CHRNA4: variants seen among roughly 807,000 people sequenced by gnomAD.
The protein encoded by CHRNA4 is neuronal acetylcholine receptor subunit alpha-4.
A neutral mutation model predicts 48.9 loss-of-function variants in CHRNA4; 28 were observed. The ratio of observed to expected loss-of-function variants is 0.57; its 90% CI spans 0.42 to 0.79. The LOEUF (loss-of-function observed/expected upper bound fraction) is 0.79. Among genes scored for constraint, CHRNA4 ranks in the 30% least tolerant of loss-of-function variants. The probability of loss-of-function intolerance (pLI) is 0.00; values close to 1 mark genes in which losing one functional copy is unlikely to be tolerated. For synonymous variants in CHRNA4, 425 were observed against 402.3 expected (o/e 1.06, Z -0.68); for missense variants, 859 against 898.4 (o/e 0.96, Z 0.56).
Position 63,361,151 on chromosome 20 carries a change from G to C in CHRNA4, c.15C>G (p.Gly5=), listed in dbSNP as rs1208135470. 3 of 1,480,172 alleles carry C rather than the reference G, an allele frequency of 2.0e-6. No individual in the cohort carries two copies. The highest frequency in any genetic ancestry group is 2.9e-5 in the African/African-American group (2 of 68,256). The allele number at this position is 1,480,172 out of a possible 1,614,324, so 91.7% of individuals were successfully genotyped here. The change falls in exon 1 of 6, where the codon GGC becomes GGG. Residue 5 remains glycine, a synonymous_variant. Transcript: ENST00000370263. ...GCGGCAGCAGCCGCGGCGCTCCGGGGCCCCCTAGCTCCATGGCGCACGCAC... is the reference window on the plus strand; with the variant it reads ...GCGGCAGCAGCCGCGGCGCTCCGGGCCCCCCTAGCTCCATGGCGCACGCAC... MELG[G]PGAPRLLPPL...
At chr20:63,354,772 G>A (rs62206907) in intron 4 of CHRNA4, 3 of 395,826 alleles carry the variant, frequency 7.6e-6, no homozygotes, top group African/African-American at 2.2e-5. Flanking sequence ...GTGTCCATGC[G>A]AGTCACACAG....
intron 5 of CHRNA4, among the ~76,000 whole-genome samples, chr20:63,347,992 C>T (rs1601468503): frequency 2.0e-5 from 3 of 152,316 alleles, no homozygotes; most frequent in South Asian, 2.1e-4. Flanking sequence ...GGGGCGGGGA[C>T]GCGGCCGCCC....
intron 5 of CHRNA4, 84 bp downstream of exon 5, chr20:63,349,569 C>G: frequency 6.4e-7 from 1 of 1,565,306 alleles, no homozygotes; most frequent in Non-Finnish European, 8.7e-7. Flanking sequence ...GGGCCCGGCT[C>G]CTGGATTACA....
At position 63,343,792 on chromosome 20, in the gene CHRNA4, T is replaced by A. The variant is rs1371371935; in HGVS notation, c.*2946A>T. 2 of 453,948 alleles carry A rather than the reference T, an allele frequency of 4.4e-6. No homozygotes were observed. Among genetic ancestry groups the A allele is most frequent in the Middle Eastern group, 6.8e-4 (1 of 1,466 alleles). 28.1% of individuals were successfully genotyped at this position (453,948 alleles called of 1,614,324 possible). A position where few individuals can be genotyped will look rare whatever the true frequency, so the allele number is the denominator to read the frequency against. ...GCAGGCTTCGAGCTGCAGCAGTGTCTCCCGCTGCCTGGTGCCTGGCACAGG... is the reference window on the plus strand; with the variant it reads ...GCAGGCTTCGAGCTGCAGCAGTGTCACCCGCTGCCTGGTGCCTGGCACAGG... On this transcript the variant is annotated 3_prime_UTR_variant, in exon 6 of 6. Transcript: ENST00000370263.
rs199553586 is a variant in CHRNA4, at chr20:63,343,464, G to T, written c.*3274C>A. ...TCAGCCACTTTAGAAATCCGAAGCC[G>T]CCTCTGCTCCAGGGGACACCTAACC... On this transcript the variant is annotated 3_prime_UTR_variant, in exon 6 of 6. Transcript: ENST00000370263. 4.4e-6 allele frequency: 2 copies of T among 454,144 alleles called. No homozygotes were observed. Among genetic ancestry groups the T allele is most frequent in the Admixed American group, 2.3e-5 (1 of 42,576 alleles). 28.1% of individuals were successfully genotyped at this position (454,144 alleles called of 1,614,324 possible).
At position 63,349,968 on chromosome 20, in the gene CHRNA4, G is replaced by A. The variant is rs1057522022; in HGVS notation, c.1443C>T (p.Gly481=). The part of the protein sequence containing the change: ...MSSPGEAVEG[G]VRCRSRSIQY... ...GGATGCTCCGAGACCGGCACCGGAC[G>A]CCGCCTTCCACCGCTTCGCCAGGGC... The change falls in exon 5 of 6, where the codon GGC becomes GGT. Residue 481 remains glycine, a synonymous_variant. Coordinates refer to ENST00000370263, the MANE Select transcript of CHRNA4 (RefSeq NM_000744.7). The A allele has an allele frequency of 4.1e-5, 64 of 1,560,726 alleles. No homozygotes were observed. Among genetic ancestry groups the A allele is most frequent in the African/African-American group, 1.1e-4 (8 of 73,916 alleles).
Position 63,356,526 on chromosome 20 carries a change from G to C in CHRNA4, c.229-111C>G, listed in dbSNP as rs1245114154. On this transcript the variant is annotated intron_variant, in intron 2 of 5. Coordinates refer to ENST00000370263, the MANE Select transcript of CHRNA4 (RefSeq NM_000744.7). Reference sequence around the variant, plus strand: ...AAGGACACGGCCAGGGCAAGATATGGTGGACGGGCGACCTGTGGAGGGGGT... The same window carrying C: ...AAGGACACGGCCAGGGCAAGATATGCTGGACGGGCGACCTGTGGAGGGGGT... 5.2e-6 allele frequency: 6 copies of C among 1,156,410 alleles called. No homozygotes were observed. The Admixed American group carries it at 6.0e-5, about 11-fold the overall frequency. 71.6% of individuals were successfully genotyped at this position (1,156,410 alleles called of 1,614,324 possible).
At position 63,344,832 on chromosome 20, in the gene CHRNA4, C is replaced by A; in HGVS notation, c.*1906G>T. The A allele has an allele frequency of 4.5e-6, 2 of 448,616 alleles. No individual in the cohort carries two copies. Among genetic ancestry groups the A allele is most frequent in the Non-Finnish European group, 8.9e-6 (2 of 223,592 alleles). 27.8% of individuals were successfully genotyped at this position (448,616 alleles called of 1,614,324 possible). On this transcript the variant is annotated 3_prime_UTR_variant, in exon 6 of 6. Transcript: ENST00000370263. The surrounding 1 kb of genome is among the most constrained non-coding windows in gnomAD (Gnocchi z 4.5). The stretch of plus-strand genomic sequence containing the variant: ...CCTGGGAGCTCTGGCCGAGGAGCAG[C>A]AGGGGCTGATGGCAGAGCGGGGGCA...
intron 3 of CHRNA4, 100 bp from the exon 4 acceptor site, chr20:63,356,184 G>A: frequency 1.4e-6 from 1 of 735,036 alleles, no homozygotes; most frequent in Non-Finnish European, 2.0e-6. Context: ...GCCAGGGCAG[G>A]GCAGCAGGGT....
At position 63,357,110 on chromosome 20, in the gene CHRNA4, T is replaced by A. The variant is rs60757049; in HGVS notation, c.229-695A>T. ...GAACCACATCCCCACAGGACCACAT[T>A]CCCACAGGACCACGTCTCCACGGAC... On this transcript the variant is annotated intron_variant, in intron 2 of 5. Transcript: ENST00000370263. Among the ~76,000 whole-genome samples, 711 of 104,226 alleles carry A rather than the reference T, an allele frequency of 6.8e-3. 11 individuals carry two copies. Among genetic ancestry groups the A allele is most frequent in the South Asian group, 0.017 (46 of 2,648 alleles). 68.4% of individuals were successfully genotyped at this position (104,226 alleles called of 152,430 possible).
intron 1 of CHRNA4, chr20:63,360,185 G>A (rs1189058499): frequency 4.8e-6 from 1 of 208,140 alleles, no homozygotes; most frequent in Non-Finnish European, 9.9e-6. Flanking sequence ...AGCAGCAAAG[G>A]AGGGAGTACA....
intron 5 of CHRNA4, among the ~76,000 whole-genome samples, chr20:63,349,033 G>A (rs550538786): frequency 2.8e-4 from 42 of 152,092 alleles, no homozygotes; most frequent in Middle Eastern, 3.4e-3. Context: ...CCCGGGCCCC[G>A]GGGGGCCTTA....
chr20:63,354,311 G>A (rs1297289558), intron 4 of CHRNA4, among the ~76,000 whole-genome samples: 1 of 114,748 alleles, frequency 8.7e-6, no homozygotes, highest in Non-Finnish European at 1.7e-5. Flanking sequence ...GTGGTCCTGG[G>A]GGGGAGCTGC....
intron 5 of CHRNA4, among the ~76,000 whole-genome samples, chr20:63,347,424 C>G (rs965281467): frequency 1.3e-5 from 2 of 152,220 alleles, no homozygotes; most frequent in African/African-American, 4.8e-5. Context: ...CACACTGAGG[C>G]CTTCAGGGGC....
rs1218865781 is a variant in CHRNA4 at position 63,346,764 on chromosome 20, G to A, written c.1858C>T (p.Pro620Ser). 1 of 1,611,406 alleles carries A rather than the reference G, an allele frequency of 6.2e-7. No homozygotes were observed. The highest frequency in any genetic ancestry group is 8.5e-7 in the Non-Finnish European group (1 of 1,179,668). Residue 620 changes from proline (P) to serine (S), a missense_variant, in exon 6 of 6, where the codon CCG (proline) becomes TCG (serine). Physicochemically the swap from Pro to Ser is moderately conservative, Grantham distance 74. This residue lies in a region of CHRNA4 where 478 missense variants were observed against 455.4 expected (regional missense o/e 1.05). Transcript: ENST00000370263. ...CLLGTVGLFL[P>S]PWLAGMI ...TAGATCATGCCAGCCAGCCAGGGCG[G>A]CAGGAAGAGGCCCACCGTCCCCAGC...
rs76270730 is a variant in CHRNA4 at position 63,350,433 on chromosome 20, G to A, written c.978C>T (p.Phe326=). ...FVTLSIVITV[F]VLNVHHRSPR... is the part of the protein sequence containing the mutation. Reference sequence around the variant, plus strand: ...GCGAGCGGTGGTGCACGTTGAGCACGAAGACCGTGATGACGATGGACAGGG... The same window carrying A: ...GCGAGCGGTGGTGCACGTTGAGCACAAAGACCGTGATGACGATGGACAGGG... The change falls in exon 5 of 6, where the codon TTC becomes TTT. Residue 326 remains phenylalanine, a synonymous_variant. Transcript: ENST00000370263. The A allele has an allele frequency of 1.4e-3, 2,241 of 1,613,930 alleles. 5 individuals are homozygous for A. The highest frequency in any genetic ancestry group is 1.7e-3 in the South Asian group (151 of 91,088).
At position 63,344,528 on chromosome 20, in the gene CHRNA4, C is replaced by G. The variant is rs1355637919; in HGVS notation, c.*2210G>C. ...AAAGAAAGGGAAAGGGGTCTTCCCCCAGGCAAGCGGCCACCCCCGGCAGGA... is the reference window on the plus strand; with the variant it reads ...AAAGAAAGGGAAAGGGGTCTTCCCCGAGGCAAGCGGCCACCCCCGGCAGGA... On this transcript the variant is annotated 3_prime_UTR_variant, in exon 6 of 6. Transcript: ENST00000370263. The surrounding 1 kb of genome is among the most constrained non-coding windows in gnomAD (Gnocchi z 4.5). 1 of 453,270 alleles carries G rather than the reference C, an allele frequency of 2.2e-6. No individual in the cohort carries two copies. Among genetic ancestry groups the G allele is most frequent in the Non-Finnish European group, 4.4e-6 (1 of 226,584 alleles). 28.1% of individuals were successfully genotyped at this position (453,270 alleles called of 1,614,324 possible).
intron 5 of CHRNA4, among the ~76,000 whole-genome samples, chr20:63,348,605 AG>A (rs1011486319): frequency 6.6e-6 from 1 of 152,196 alleles, no homozygotes; most frequent in African/African-American, 2.4e-5. Context: ...TGGCCCACTG[AG>A]GGCACCAGGC....
chr20:63,345,993 G>A lies in CHRNA4; in HGVS notation c.*745C>T, dbSNP rs1462502071. The A allele has an allele frequency of 2.2e-6, 1 of 454,082 alleles. No individual in the cohort carries two copies. Among genetic ancestry groups the A allele is most frequent in the East Asian group, 7.0e-5 (1 of 14,376 alleles). 28.1% of individuals were successfully genotyped at this position (454,082 alleles called of 1,614,324 possible). On this transcript the variant is annotated 3_prime_UTR_variant, in exon 6 of 6. Transcript: ENST00000370263. The surrounding 1 kb of genome is among the most constrained non-coding windows in gnomAD (Gnocchi z 5.4). The stretch of plus-strand genomic sequence containing the variant: ...AGAGTCCTGGTCTCCAGACTCGCTG[G>A]GGCTGGGTGTTCCTGTCCCCCGCGG...
Sources: gnomAD v4.1 joint callset for allele counts (sites outside exome capture counted in the v4.1 genomes callset) on GRCh38, gnomAD v4.1.1 for gene constraint, gnomAD v4.1.1 regional missense constraint, Gnocchi (gnomAD v3.1) non-coding constraint, MANE v1.5 for transcripts, NCBI Gene and HGNC (gene_info 2026-07-23, HGNC 2026-07-21) for gene names.